Variants in MCOLN2 observed in about 807,000 individuals in gnomAD.
MCOLN2 encodes mucolipin TRP cation channel 2, also known as mucolipin-2.
Under a neutral mutation model 67.5 loss-of-function variants are expected in MCOLN2, and 57 were observed. The observed-to-expected ratio is 0.84, with a 90% CI of 0.68 to 1.05. The LOEUF is 1.05. Among genes scored for constraint, MCOLN2 ranks in the 50% least tolerant of loss-of-function variants. The probability of loss-of-function intolerance (pLI) is 0.00; values close to 1 mark genes in which losing one functional copy is unlikely to be tolerated. For synonymous variants in MCOLN2, 246 were observed against 233.3 expected, an observed-to-expected ratio of 1.05 and a Z score of -0.50; for missense variants, 620 against 678.8, an observed-to-expected ratio of 0.91 and a Z score of 0.96.
chr1:84,948,066 C>T (rs1003379885), intron 6 of MCOLN2, among the ~76,000 whole-genome samples: 2 of 152,222 alleles, frequency 1.3e-5, no homozygotes, highest in Non-Finnish European at 2.9e-5. Context: ...GGCCTGACAG[C>T]CAGTTCAGCT....
chr1:84,934,953 A>G (rs563632630), intron 11 of MCOLN2, among the ~76,000 whole-genome samples: 1 of 152,340 alleles, frequency 6.6e-6, no homozygotes, highest in South Asian at 2.1e-4. Flanking sequence ...CTATCAGTCA[A>G]ACGGTTTTCC....
intron 6 of MCOLN2, among the ~76,000 whole-genome samples, chr1:84,952,031 G>A (rs1025719151): frequency 6.6e-6 from 1 of 152,130 alleles, no homozygotes; most frequent in African/African-American, 2.4e-5. Flanking sequence ...AGATTGCAGT[G>A]AGCTGAGATC....
rs1661300590 is a variant in MCOLN2, at chr1:84,929,478, A to T, written c.1664+80T>A. 10 of 1,421,144 alleles carry T rather than the reference A, an allele frequency of 7.0e-6. No individual in the cohort carries two copies. In the South Asian group the frequency reaches 1.5e-4, roughly 21 times the overall value. The allele number at this position is 1,421,144 out of a possible 1,614,324, so 88.0% of individuals were successfully genotyped here. On this transcript the variant is annotated intron_variant, in intron 13 of 13. Coordinates refer to ENST00000370608, the MANE Select transcript of MCOLN2 (RefSeq NM_153259.4). ...CATGATAAGCTGGTCTCTGAATGTA[A>T]TGGTAATCTTGGAGGGGCTCTTTCT...
intron 1 of MCOLN2, among the ~76,000 whole-genome samples, chr1:84,966,478 C>A (rs1007095004): frequency 1.3e-5 from 2 of 152,024 alleles, no homozygotes; most frequent in Non-Finnish European, 2.9e-5. Context: ...TTTCATGATA[C>A]TCCAGGTATG....
intron 1 of MCOLN2, among the ~76,000 whole-genome samples, chr1:84,981,703 T>C (rs1188175132): frequency 1.3e-5 from 2 of 152,048 alleles, no homozygotes; most frequent in African/African-American, 2.4e-5. Flanking sequence ...GCAGTAGGGA[T>C]GGGTTAATGG....
At position 84,996,786 on chromosome 1, in the gene MCOLN2, G is replaced by A; in HGVS notation, c.77+10C>T. 1.2e-6 allele frequency: 2 copies of A among 1,612,886 alleles called. No homozygotes were observed. The highest frequency in any genetic ancestry group is 2.2e-5 in the South Asian group (2 of 91,032). ...CCAGCATCCTGAAAGATGAAGCCCA[G>A]ACTCCTCACCTGACGGTTAACCTGA... On this transcript the variant is annotated intron_variant, in intron 1 of 13. Transcript: ENST00000370608.
chr1:84,958,665 G>A lies in MCOLN2; in HGVS notation c.275C>T (p.Ala92Val). 6.3e-7 allele frequency: 1 copy of A among 1,591,506 alleles called. No homozygotes were observed. The highest frequency in any genetic ancestry group is 1.9e-5 in the Admixed American group (1 of 53,290). ...RFGLSNQLVV[A>V]FKEDNTVAFK... is the part of the protein sequence containing the mutation. ...AGCAACAGTGTTATCTTCTTTGAAA[G>A]CAACCACCAGCTGGTTACTTAAACC... The change falls in exon 3 of 14, where the codon GCT becomes GTT. Residue 92 changes from alanine (A) to valine (V), a missense_variant. Ala to Val is a moderately conservative substitution (Grantham distance 64). Transcript: ENST00000370608.
intron 6 of MCOLN2, among the ~76,000 whole-genome samples, chr1:84,949,765 G>T (rs376475584): frequency 1.9e-3 from 283 of 151,692 alleles, no homozygotes; most frequent in African/African-American, 6.7e-3. Context: ...AGAATGAGAT[G>T]ATATATTCAA....
At chr1:84,928,076 G>C (rs1661242234) in intron 13 of MCOLN2, among the ~76,000 whole-genome samples, 1 of 152,190 alleles carries the variant, frequency 6.6e-6, no homozygotes, top group Non-Finnish European at 1.5e-5. Flanking sequence ...CTGGGATCTA[G>C]GCTTTGGTCT....
intron 1 of MCOLN2, among the ~76,000 whole-genome samples, chr1:84,970,378 A>C (rs1365896437): frequency 6.6e-6 from 1 of 151,930 alleles, no homozygotes; most frequent in Non-Finnish European, 1.5e-5. Context: ...TCAAATACTT[A>C]AAGAATACTG....
intron 1 of MCOLN2, among the ~76,000 whole-genome samples, chr1:84,984,217 A>G (rs1650394653): frequency 6.6e-6 from 1 of 152,186 alleles, no homozygotes; most frequent in African/African-American, 2.4e-5. Flanking sequence ...CTGTAATGTT[A>G]TATTCTTCAT....
In MCOLN2 at chr1:84,937,824, A is replaced by G. The variant is rs1276986145; in HGVS notation, c.1266T>C (p.Ala422=). The G allele has an allele frequency of 6.2e-7, 1 of 1,614,228 alleles. No individual in the cohort carries two copies. Among genetic ancestry groups the G allele is most frequent in the Non-Finnish European group, 8.5e-7 (1 of 1,180,034 alleles). The change falls in exon 11 of 14, where the codon GCT becomes GCC. Residue 422 remains alanine, a synonymous_variant. Transcript: ENST00000370608. ...AACCCAGATAAATCATACCAGCACAAGCACAAAACCGAAGAACTTTTGGCA... is the reference window on the plus strand; with the variant it reads ...AACCCAGATAAATCATACCAGCACAGGCACAAAACCGAAGAACTTTTGGCA... ...ASLPKVLRFC[A]CAGMIYLGYT...
chr1:84,987,581 G>GT lies in MCOLN2; in HGVS notation c.77+9214_77+9215insA, dbSNP rs1557666012. Among the ~76,000 whole-genome samples, 11 of 47,314 alleles carry GT rather than the reference G, an allele frequency of 2.3e-4. 2 individuals carry two copies. The highest frequency in any genetic ancestry group is 5.5e-4 in the Admixed American group (2 of 3,610). The allele number at this position is 47,314 out of a possible 152,430, so 31.0% of individuals were successfully genotyped here. On this transcript the variant is annotated intron_variant, in intron 1 of 13. Transcript: ENST00000370608. ...CTATGTATACATAGATGTATACATA[G>GT]ATATATACATATGTATATAGATGTA... is the stretch of plus-strand genomic sequence containing the variant.
intron 7 of MCOLN2, among the ~76,000 whole-genome samples, chr1:84,944,592 G>A (rs1004471864): frequency 6.6e-6 from 1 of 152,202 alleles, no homozygotes; most frequent in Admixed American, 6.5e-5. Context: ...GGGGAATCCC[G>A]CCAAGAAGGA....
Position 84,926,535 on chromosome 1 carries a change from T to TA in MCOLN2, c.*149_*150insT. The TA allele has an allele frequency of 2.1e-6, 1 of 474,472 alleles. No individual in the cohort carries two copies. The highest frequency in any genetic ancestry group is 3.8e-6 in the Non-Finnish European group (1 of 265,684). The allele number at this position is 474,472 out of a possible 1,614,324, so 29.4% of individuals were successfully genotyped here. A position where few individuals can be genotyped will look rare whatever the true frequency, so the allele number is the denominator to read the frequency against. ...ATAAAAAGTAAAGCTGGAACTTCAG[T>TA]CATGGTCAGCTGGCTAACTGTGAGT... On this transcript the variant is annotated 3_prime_UTR_variant, in exon 14 of 14. Coordinates refer to ENST00000370608, the MANE Select transcript of MCOLN2 (RefSeq NM_153259.4).
chr1:84,962,905 C>T (rs1272217021), intron 2 of MCOLN2, among the ~76,000 whole-genome samples: 7 of 152,122 alleles, frequency 4.6e-5, no homozygotes, highest in Non-Finnish European at 7.3e-5. Context: ...AAAGTCTATT[C>T]TACGAAAAAT....
intron 4 of MCOLN2, among the ~76,000 whole-genome samples, chr1:84,954,613 T>A (rs977918447): frequency 2.0e-5 from 3 of 152,206 alleles, no homozygotes; most frequent in Admixed American, 6.5e-5. Flanking sequence ...CTACTAGGTA[T>A]CCAAAAGTTA....
At chr1:84,953,273 C>T (rs587780) in intron 4 of MCOLN2, among the ~76,000 whole-genome samples, 9,428 of 152,034 alleles carry the variant, frequency 0.062, 982 homozygotes, top group African/African-American at 0.22. Flanking sequence ...TAGTATTGGC[C>T]AGGCACGGTG....
At chr1:84,968,804 C>G (rs537104777) in intron 1 of MCOLN2, among the ~76,000 whole-genome samples, 7 of 152,332 alleles carry the variant, frequency 4.6e-5, no homozygotes, top group African/African-American at 1.7e-4. Context: ...TCTGACCTAC[C>G]CTGTCTGATT....
Sources: gnomAD v4.1 joint callset for allele counts (sites outside exome capture counted in the v4.1 genomes callset) on GRCh38, gnomAD v4.1.1 for gene constraint, MANE v1.5 for transcripts, NCBI Gene and HGNC (gene_info 2026-07-23, HGNC 2026-07-21) for gene names.